DSCAM: variants seen among roughly 807,000 people sequenced by gnomAD.
DSCAM encodes the protein DS cell adhesion molecule.
DSCAM carries 47 observed loss-of-function variants against 217.7 expected under a neutral mutation model. The ratio of observed to expected loss-of-function variants is 0.22; its 90% CI spans 0.17 to 0.28. The LOEUF (loss-of-function observed/expected upper bound fraction) is 0.28. DSCAM is among the 10% of genes least tolerant of loss of function. The probability of loss-of-function intolerance (pLI) is 1.00; values close to 1 mark genes in which losing one functional copy is unlikely to be tolerated. For synonymous variants in DSCAM, 1,056 were observed against 1,015.3 expected (o/e 1.04, Z -0.76); for missense variants, 2,080 against 2,618.3 (o/e 0.79, Z 4.49).
chr21:40,245,709 G>A (rs1467907545), intron 11 of DSCAM, among the ~76,000 whole-genome samples: 1 of 152,174 alleles, frequency 6.6e-6, no homozygotes, highest in Admixed American at 6.5e-5. Flanking sequence ...TTGTGTGTGA[G>A]CCTCCCTGAG....
intron 3 of DSCAM, among the ~76,000 whole-genome samples, chr21:40,430,199 T>C (rs1456659201): frequency 6.6e-6 from 1 of 152,210 alleles, no homozygotes; most frequent in Admixed American, 6.5e-5. Flanking sequence ...GGTACAGTTT[T>C]AGCAACACAA....
intron 2 of DSCAM, among the ~76,000 whole-genome samples, chr21:40,706,482 A>G (rs972906730): frequency 1.3e-5 from 2 of 152,202 alleles, no homozygotes; most frequent in Non-Finnish European, 2.9e-5. Flanking sequence ...AAATTTAAGA[A>G]TGAGAATCCC....
intron 3 of DSCAM, among the ~76,000 whole-genome samples, chr21:40,624,665 C>A (rs2089574436): frequency 6.6e-6 from 1 of 152,156 alleles, no homozygotes; most frequent in South Asian, 2.1e-4. Context: ...CCTAAATAAC[C>A]TACCAGAAGG....
intron 1 of DSCAM, among the ~76,000 whole-genome samples, chr21:40,812,273 G>A (rs1451913435): frequency 6.6e-6 from 1 of 152,198 alleles, no homozygotes; most frequent in African/African-American, 2.4e-5. Flanking sequence ...GTCTTAGCAA[G>A]AATATGTTCT....
At chr21:40,462,709 T>C (rs2075815667) in intron 3 of DSCAM, among the ~76,000 whole-genome samples, 1 of 152,162 alleles carries the variant, frequency 6.6e-6, no homozygotes, top group African/African-American at 2.4e-5. Context: ...CTGGGTTCCA[T>C]CCCTAGGTGA....
chr21:40,399,177 G>A (rs547914706), intron 3 of DSCAM, among the ~76,000 whole-genome samples: 1 of 152,278 alleles, frequency 6.6e-6, no homozygotes, highest in East Asian at 1.9e-4. Flanking sequence ...GGCTGAGGCA[G>A]GAAGACTGCT....
At chr21:40,470,817 G>A (rs1233284304) in intron 3 of DSCAM, among the ~76,000 whole-genome samples, 1 of 152,198 alleles carries the variant, frequency 6.6e-6, no homozygotes, top group Non-Finnish European at 1.5e-5. Flanking sequence ...ATCTCCCAAA[G>A]TGATGGGATT....
rs574852243 is a variant in DSCAM, at chr21:40,737,989, A to C, written c.44-29218T>G. Among the ~76,000 whole-genome samples, 10 of 152,280 alleles carry C rather than the reference A, an allele frequency of 6.6e-5. No homozygotes were observed. The South Asian group carries it at 2.1e-3, about 32-fold the overall frequency. On this transcript the variant is annotated intron_variant, in intron 1 of 32. Coordinates refer to ENST00000400454, the MANE Select transcript of DSCAM (RefSeq NM_001389.5). ...CACTTTAGTCTGAGAGGTAGCTCTC[A>C]TTTCAGGGGAGTGATAGCCTTCAAG...
intron 16 of DSCAM, among the ~76,000 whole-genome samples, chr21:40,152,827 T>C (rs560702472): frequency 3.9e-5 from 6 of 152,262 alleles, no homozygotes; most frequent in Admixed American, 1.3e-4. Flanking sequence ...AGGCATCTCT[T>C]GTGCTGAAGA....
At chr21:40,407,936 G>A (rs1031640509) in intron 3 of DSCAM, among the ~76,000 whole-genome samples, 1 of 152,208 alleles carries the variant, frequency 6.6e-6, no homozygotes, top group African/African-American at 2.4e-5. Context: ...CAGATCCAGA[G>A]GAATATCTTG....
At chr21:40,294,449 G>T (rs1008062892) in intron 10 of DSCAM, among the ~76,000 whole-genome samples, 4 of 152,200 alleles carry the variant, frequency 2.6e-5, no homozygotes, top group Admixed American at 6.6e-5. Context: ...AGGATGCTGG[G>T]CCACATTTAC....
intron 3 of DSCAM, among the ~76,000 whole-genome samples, chr21:40,446,625 A>G (rs2075677066): frequency 6.6e-6 from 1 of 152,206 alleles, no homozygotes; most frequent in Non-Finnish European, 1.5e-5. Flanking sequence ...GTGGTTTACA[A>G]TGGCCAGAAC....
At chr21:40,235,445 G>A (rs146443291) in intron 11 of DSCAM, among the ~76,000 whole-genome samples, 115 of 152,296 alleles carry the variant, frequency 7.6e-4, no homozygotes, top group Middle Eastern at 3.4e-3. Flanking sequence ...CGATAATTAA[G>A]ACTAAGAGAG....
intron 9 of DSCAM, among the ~76,000 whole-genome samples, chr21:40,296,448 T>C (rs762765918): frequency 6.6e-6 from 1 of 152,140 alleles, no homozygotes; most frequent in Non-Finnish European, 1.5e-5. Context: ...TTTGACTAAA[T>C]CAAAGGGATG....
intron 3 of DSCAM, among the ~76,000 whole-genome samples, chr21:40,417,118 T>C (rs2075379486): frequency 6.6e-6 from 1 of 152,336 alleles, no homozygotes; most frequent in South Asian, 2.1e-4. Context: ...ATAGGAAATT[T>C]CCTAAAATTT....
chr21:40,533,515 A>C (rs1426872557), intron 3 of DSCAM, among the ~76,000 whole-genome samples: 2 of 149,936 alleles, frequency 1.3e-5, no homozygotes, highest in Non-Finnish European at 3.0e-5. Flanking sequence ...CCAGCCATCC[A>C]TCCATCCATC....
chr21:40,292,596 C>A (rs2073906841), intron 10 of DSCAM, among the ~76,000 whole-genome samples: 1 of 151,916 alleles, frequency 6.6e-6, no homozygotes, highest in Non-Finnish European at 1.5e-5. Context: ...AAAATGCTGG[C>A]AAATTGTCAA....
chr21:40,306,872 A>G (rs1423424887), intron 9 of DSCAM, among the ~76,000 whole-genome samples: 2 of 151,500 alleles, frequency 1.3e-5, no homozygotes, highest in Non-Finnish European at 2.9e-5. Context: ...TTTTGCATCA[A>G]TGTTCATCAA....
intron 3 of DSCAM, among the ~76,000 whole-genome samples, chr21:40,417,480 G>C (rs921191121): frequency 2.0e-5 from 3 of 152,102 alleles, no homozygotes; most frequent in African/African-American, 7.2e-5. Context: ...AAATACATTA[G>C]AATCAATTTC....
Sources: gnomAD v4.1 joint callset for allele counts (sites outside exome capture counted in the v4.1 genomes callset) on GRCh38, gnomAD v4.1.1 for gene constraint, MANE v1.5 for transcripts, NCBI Gene and HGNC (gene_info 2026-07-23, HGNC 2026-07-21) for gene names.